Variants in AP4E1 observed in about 807,000 individuals in gnomAD.
The protein encoded by AP4E1 is adaptor related protein complex 4 subunit epsilon 1.
Under a neutral mutation model 128.2 loss-of-function variants are expected in AP4E1, and 56 were observed. The ratio of observed to expected loss-of-function variants is 0.44; its 90% CI spans 0.35 to 0.55. AP4E1 has a LOEUF of 0.55. AP4E1 is among the 20% of genes least tolerant of loss of function. The pLI is 0.00. For synonymous variants in AP4E1, 484 were observed against 473.1 expected, an observed-to-expected ratio of 1.02 and a Z score of -0.30; for missense variants, 1,324 against 1,307.7, an observed-to-expected ratio of 1.01 and a Z score of -0.19.
intron 14 of AP4E1, among the ~76,000 whole-genome samples, chr15:50,964,427 T>C (rs1209118312): frequency 2.0e-5 from 3 of 152,306 alleles, no homozygotes; most frequent in African/African-American, 7.2e-5. Flanking sequence ...ATCTTTTGAG[T>C]TTCCTTAAGA....
intron 15 of AP4E1, among the ~76,000 whole-genome samples, chr15:50,976,898 C>T (rs1201514834): frequency 6.6e-6 from 1 of 152,130 alleles, no homozygotes; most frequent in African/African-American, 2.4e-5. Flanking sequence ...GAAATACATC[C>T]TGTGTTCATG....
At chr15:50,948,608 C>T (rs1365875512) in intron 11 of AP4E1, among the ~76,000 whole-genome samples, 3 of 152,066 alleles carry the variant, frequency 2.0e-5, no homozygotes, top group African/African-American at 7.2e-5. Context: ...ACATGTTACT[C>T]TTCTTCATGT....
intron 7 of AP4E1, among the ~76,000 whole-genome samples, chr15:50,933,204 A>G (rs1288820483): frequency 2.0e-5 from 3 of 152,188 alleles, no homozygotes; most frequent in Non-Finnish European, 4.4e-5. Context: ...GAACTTTCTT[A>G]TAATGTTATG....
At position 50,923,974 on chromosome 15, in the gene AP4E1, A is replaced by G. The variant is rs779851343; in HGVS notation, c.390A>G (p.Leu130=). Residue 130 remains leucine (L), a synonymous_variant, in exon 4 of 21, where the codon TTA becomes TTG. Coordinates refer to ENST00000261842, the MANE Select transcript of AP4E1 (RefSeq NM_007347.5). ...VSLFLHESHE[L]LLLLVNTVVK... is the part of the protein sequence containing the mutation. ...TATTTCTACATGAAAGTCATGAATT[A>G]TTGCTTCTCCTTGTGAATACAGTTG... The G allele has an allele frequency of 6.2e-6, 10 of 1,611,750 alleles. No homozygotes were observed. Among genetic ancestry groups the G allele is most frequent in the Non-Finnish European group, 8.5e-6 (10 of 1,178,364 alleles).
At chr15:51,000,038 T>C (rs1351259379) in intron 19 of AP4E1, among the ~76,000 whole-genome samples, 12 of 152,166 alleles carry the variant, frequency 7.9e-5, no homozygotes, top group African/African-American at 2.2e-4. Flanking sequence ...ATATGAAGGC[T>C]GCCTGAACCC....
chr15:50,999,246 C>T lies in AP4E1; in HGVS notation c.3079C>T (p.Leu1027=), dbSNP rs187436884. 238 of 1,611,128 alleles carry T rather than the reference C, an allele frequency of 1.5e-4. 2 individuals carry two copies. In the Admixed American group the frequency reaches 4.0e-3, roughly 27 times the overall value. The change falls in exon 19 of 21, where the codon CTA becomes TTA. Residue 1027 remains leucine (L), a synonymous_variant. Transcript: ENST00000261842. The part of the protein sequence containing the change: ...AQLEFSVNLS[L]LDFIRPLKIS... ...GCTGGAATTTTCTGTAAACTTATCA[C>T]TATTAGATTTCATTAGGTAAATGTT... is the stretch of plus-strand genomic sequence containing the variant.
chr15:50,978,166 G>A (rs1403867493), intron 15 of AP4E1, among the ~76,000 whole-genome samples: 1 of 152,158 alleles, frequency 6.6e-6, no homozygotes, highest in Non-Finnish European at 1.5e-5. Flanking sequence ...AAATAGGTGA[G>A]ATGGTGGGGA....
At chr15:50,976,975 A>G (rs1438275098) in intron 15 of AP4E1, among the ~76,000 whole-genome samples, 1 of 152,226 alleles carries the variant, frequency 6.6e-6, no homozygotes, top group Non-Finnish European at 1.5e-5. Context: ...TATTTAGCAC[A>G]GTGATAACTA....
chr15:50,995,002 T>C (rs746962765), intron 17 of AP4E1, among the ~76,000 whole-genome samples: 2 of 152,206 alleles, frequency 1.3e-5, no homozygotes, highest in Non-Finnish European at 2.9e-5. Context: ...CTCTGTTTTA[T>C]GAGACCCTGA....
At chr15:50,910,350 C>T (rs2063550990) in intron 1 of AP4E1, among the ~76,000 whole-genome samples, 1 of 152,196 alleles carries the variant, frequency 6.6e-6, no homozygotes, top group East Asian at 1.9e-4. Context: ...GAGTTTATAT[C>T]TTAAAAAGAG....
chr15:50,955,018 C>T (rs201146988), intron 13 of AP4E1, among the ~76,000 whole-genome samples: 5 of 152,252 alleles, frequency 3.3e-5, no homozygotes, highest in South Asian at 4.1e-4. Flanking sequence ...ACAAAGGACG[C>T]GAACTCATCC....
intron 11 of AP4E1, among the ~76,000 whole-genome samples, chr15:50,948,930 C>T (rs1015673984): frequency 4.6e-5 from 7 of 150,892 alleles, no homozygotes; most frequent in Middle Eastern, 3.4e-3. Context: ...TGAGATTGCA[C>T]CATTGCACTC....
Position 50,908,739 on chromosome 15 carries a change from G to A in AP4E1, c.-40G>A, listed in dbSNP as rs374083032. 6.0e-3 allele frequency: 9,012 copies of A among 1,495,632 alleles called. 38 individuals carry two copies. Among genetic ancestry groups the A allele is most frequent in the Non-Finnish European group, 7.6e-3 (8,538 of 1,123,720 alleles). 92.6% of individuals were successfully genotyped at this position (1,495,632 alleles called of 1,614,324 possible). ...GCCGGGCATGAAGCCGGGCGGCTAC[G>A]GGATCGCGGGCGGCGGCGGCATCGC... On this transcript the variant is annotated 5_prime_UTR_variant, in exon 1 of 21. Coordinates refer to ENST00000261842, the MANE Select transcript of AP4E1 (RefSeq NM_007347.5).
intron 5 of AP4E1, 57 bp from the exon 6 acceptor site, chr15:50,928,952 A>C (rs1218962641): frequency 9.6e-6 from 15 of 1,566,630 alleles, no homozygotes; most frequent in Non-Finnish European, 1.3e-5. Context: ...ATAATCTTTC[A>C]AAGTAAATAC....
At chr15:50,915,050 A>T (rs535804552) in intron 2 of AP4E1, among the ~76,000 whole-genome samples, 8 of 152,218 alleles carry the variant, frequency 5.3e-5, no homozygotes, top group African/African-American at 1.9e-4. Flanking sequence ...TGGGAATTTT[A>T]TGGATGTTTT....
chr15:50,907,795 G>C (rs1412227317), upstream of AP4E1, among the ~76,000 whole-genome samples: 1 of 152,102 alleles, frequency 6.6e-6, no homozygotes, highest in African/African-American at 2.4e-5. Flanking sequence ...TCCCTAGAAG[G>C]GTCTCAGCGA....
intron 9 of AP4E1, 35 bp from the exon 10 acceptor site, chr15:50,941,631 T>C (rs756017047): frequency 6.2e-7 from 1 of 1,611,936 alleles, no homozygotes; most frequent in Non-Finnish European, 8.5e-7. Flanking sequence ...TGTATTTGTT[T>C]CAATTCACTT....
intron 10 of AP4E1, among the ~76,000 whole-genome samples, chr15:50,942,637 ACT>A (rs2064003440): frequency 6.7e-6 from 1 of 148,506 alleles, no homozygotes; most frequent in African/African-American, 2.5e-5. Context: ...ACTATATGTT[ACT>A]TATATATAAT....
chr15:50,971,864 A>G (rs2064483494), intron 15 of AP4E1, among the ~76,000 whole-genome samples: 1 of 151,970 alleles, frequency 6.6e-6, no homozygotes, highest in African/African-American at 2.4e-5. Flanking sequence ...TCCTGATTTC[A>G]TTGAATTGTC....
Sources: allele counts gnomAD v4.1 joint callset (sites outside exome capture counted in the v4.1 genomes callset), GRCh38; gene constraint gnomAD v4.1.1; transcripts MANE v1.5; gene names NCBI Gene and HGNC (gene_info 2026-07-23, HGNC 2026-07-21).